HEATR5A: variants seen among roughly 807,000 people sequenced by gnomAD.
The protein encoded by HEATR5A is HEAT repeat-containing protein 5A.
HEATR5A carries 178 observed loss-of-function variants against 218.8 expected under a neutral mutation model. That is an observed-to-expected ratio of 0.81 (90% CI 0.72 to 0.92). The LOEUF is 0.92. HEATR5A is among the 40% of genes least tolerant of loss of function. HEATR5A has a pLI of 0.00. For synonymous variants in HEATR5A, 864 were observed against 871.6 expected (o/e 0.99, Z 0.15); for missense variants, 2,420 against 2,418.9 (o/e 1.00, Z -0.01).
At chr14:31,296,421 T>C (rs1899188593) in intron 33 of HEATR5A, 1 of 184,052 alleles carries the variant, frequency 5.4e-6, no homozygotes, top group African/African-American at 2.4e-5. Context: ...GTTGTGAAGA[T>C]TAAATGAGTT....
rs1163563180 is a variant in HEATR5A at position 31,345,141 on chromosome 14, T to G, written c.3004A>C (p.Ser1002Arg). Residue 1002 changes from serine (S) to arginine (R), a missense_variant, in exon 20 of 36, where the codon AGC becomes CGC. Coordinates refer to ENST00000543095, the MANE Select transcript of HEATR5A (RefSeq NM_015473.4). ...AGGGCATTCAAACAGCGACCAAGGC[T>G]TTGGTGAACTTCAGCATGAGTAGGA... Reference protein sequence around the residue: ...VPPTHAEVHQSLGRCLNALIT... With the variant: ...VPPTHAEVHQRLGRCLNALIT... 1 of 1,613,818 alleles carries G rather than the reference T, an allele frequency of 6.2e-7. No homozygotes were observed. The highest frequency in any genetic ancestry group is 8.5e-7 in the Non-Finnish European group (1 of 1,179,886).
At chr14:31,348,068 C>T (rs151201814) in intron 18 of HEATR5A, among the ~76,000 whole-genome samples, 161 bp from the exon 19 acceptor site, 105 of 152,152 alleles carry the variant, frequency 6.9e-4, no homozygotes, top group Middle Eastern at 3.4e-3. Flanking sequence ...CTGAAGTAAC[C>T]GAAAGGCATC....
chr14:31,400,910 G>C (rs568522327), intron 2 of HEATR5A, among the ~76,000 whole-genome samples: 2 of 151,172 alleles, frequency 1.3e-5, no homozygotes, highest in African/African-American at 4.9e-5. Context: ...CCCGATCTCC[G>C]GTCACTGCAA....
intron 32 of HEATR5A, among the ~76,000 whole-genome samples, chr14:31,304,440 A>C (rs1287474822): frequency 6.6e-6 from 1 of 151,862 alleles, no homozygotes; most frequent in Non-Finnish European, 1.5e-5. Flanking sequence ...TTTTTTAGAC[A>C]TAATTTCACT....
At chr14:31,311,113 C>T (rs1173130043) in intron 28 of HEATR5A, among the ~76,000 whole-genome samples, 1 of 152,106 alleles carries the variant, frequency 6.6e-6, no homozygotes, top group Non-Finnish European at 1.5e-5. Flanking sequence ...TTTACAGGCT[C>T]ATCCTAAAAT....
chr14:31,339,580 G>T (rs767675412), intron 21 of HEATR5A, among the ~76,000 whole-genome samples: 12 of 148,576 alleles, frequency 8.1e-5, no homozygotes, highest in Non-Finnish European at 1.6e-4. Flanking sequence ...GTAGTTTTTT[G>T]TTGTTGTTGT....
chr14:31,315,922 C>T lies in HEATR5A; in HGVS notation c.4066G>A (p.Val1356Ile). Residue 1356 changes from valine (V) to isoleucine (I), a missense_variant, in exon 27 of 36, where the codon GTT (valine) becomes ATT (isoleucine). Transcript: ENST00000543095. ...CGGAGATCATTAAGGTCACTTACAA[C>T]TCCACTTGCTATCCAGGCACTGCAA... ...QVCSAWIASG[V>I]VSDLNDLRRV... 2 of 1,563,576 alleles carry T rather than the reference C, an allele frequency of 1.3e-6. No individual in the cohort carries two copies. Among genetic ancestry groups the T allele is most frequent in the Non-Finnish European group, 1.7e-6 (2 of 1,154,288 alleles).
chr14:31,354,101 C>CAT (rs1391950976), intron 16 of HEATR5A, among the ~76,000 whole-genome samples: 1 of 149,696 alleles, frequency 6.7e-6, no homozygotes. Flanking sequence ...GCCTGGCCGG[C>CAT]ATTTTTTTTT....
chr14:31,396,658 A>G (rs2030665887), intron 4 of HEATR5A, among the ~76,000 whole-genome samples: 1 of 152,214 alleles, frequency 6.6e-6, no homozygotes, highest in Non-Finnish European at 1.5e-5. Flanking sequence ...ACATAATAAA[A>G]TAATGCTAAC....
chr14:31,328,274 G>A (rs1302324152), intron 22 of HEATR5A, among the ~76,000 whole-genome samples: 1 of 152,018 alleles, frequency 6.6e-6, no homozygotes, highest in Non-Finnish European at 1.5e-5. Flanking sequence ...TGTTTTGTTG[G>A]TACTAGACTA....
At chr14:31,319,809 T>C (rs1197260170) in intron 25 of HEATR5A, among the ~76,000 whole-genome samples, 3 of 152,066 alleles carry the variant, frequency 2.0e-5, no homozygotes, top group African/African-American at 7.2e-5. Context: ...ACGTTGGAGG[T>C]GGAGGCAGAC....
intron 20 of HEATR5A, 133 bp from the exon 21 acceptor site, chr14:31,344,198 A>G (rs1900937056): frequency 2.4e-6 from 1 of 423,936 alleles, no homozygotes; most frequent in Non-Finnish European, 4.1e-6. Context: ...AGTCACTACA[A>G]ATCTGTGATG....
chr14:31,313,212 A>G (rs764639345), intron 27 of HEATR5A, 22 bp from the exon 28 acceptor site: 1 of 1,558,550 alleles, frequency 6.4e-7, no homozygotes, highest in Non-Finnish European at 8.8e-7. Flanking sequence ...TAATTTAAAA[A>G]CAGGAAAATC....
chr14:31,305,063 C>T lies in HEATR5A; in HGVS notation c.5081G>A (p.Cys1694Tyr). The change falls in exon 32 of 36, where the codon TGC (cysteine) becomes TAC (tyrosine). Residue 1694 changes from cysteine to tyrosine, a missense_variant. Physicochemically the swap from Cys to Tyr is radical, Grantham distance 194. Coordinates refer to ENST00000543095, the MANE Select transcript of HEATR5A (RefSeq NM_015473.4). ...LVFATLELCV[C>Y]ILVRQLPELN... Reference sequence around the variant, plus strand: ...TTCTGGGAGCTGTCTAACTAGAATGCATACACACAATTCCAGTGTTGCAAA... The same window carrying T: ...TTCTGGGAGCTGTCTAACTAGAATGTATACACACAATTCCAGTGTTGCAAA... The T allele has an allele frequency of 6.2e-7, 1 of 1,613,962 alleles. No individual in the cohort carries two copies. Among genetic ancestry groups the T allele is most frequent in the Non-Finnish European group, 8.5e-7 (1 of 1,179,876 alleles).
chr14:31,402,516 G>C (rs1242752804), intron 2 of HEATR5A, among the ~76,000 whole-genome samples: 1 of 152,132 alleles, frequency 6.6e-6, no homozygotes, highest in African/African-American at 2.4e-5. Context: ...CCACTATACT[G>C]TACCAGGGCT....
At chr14:31,327,475 G>A (rs892464753) in intron 22 of HEATR5A, among the ~76,000 whole-genome samples, 2 of 151,020 alleles carry the variant, frequency 1.3e-5, no homozygotes, top group South Asian at 2.1e-4. Context: ...TGTATTTTTA[G>A]TAGAGACGGG....
rs574087282 is a variant in HEATR5A at position 31,323,725 on chromosome 14, G to C, written c.3627C>G (p.Thr1209=). The change falls in exon 24 of 36, where the codon ACC becomes ACG. Residue 1209 remains threonine, a synonymous_variant. Coordinates refer to ENST00000543095, the MANE Select transcript of HEATR5A (RefSeq NM_015473.4). ...DKGDDASVLT[T]RRDEKSHPFT... is the part of the protein sequence containing the mutation. ...AAGGATGGGATTTTTCATCACGTCT[G>C]GTGGTCAGGACTGAGGCATCATCCC... The C allele has an allele frequency of 1.2e-6, 2 of 1,613,270 alleles. No individual in the cohort carries two copies. Among genetic ancestry groups the C allele is most frequent in the South Asian group, 2.2e-5 (2 of 91,058 alleles).
intron 11 of HEATR5A, among the ~76,000 whole-genome samples, chr14:31,380,256 G>A (rs1012329866): frequency 7.2e-5 from 11 of 152,116 alleles, no homozygotes; most frequent in African/African-American, 1.9e-4. Flanking sequence ...CATCTAGCCC[G>A]GAAGAGAAAA....
At chr14:31,383,884 C>A (rs1478875583) in intron 9 of HEATR5A, 113 bp from the exon 10 acceptor site, 5 of 789,022 alleles carry the variant, frequency 6.3e-6, no homozygotes, top group Non-Finnish European at 7.6e-6. Context: ...TATCAAAAGC[C>A]ACATTATAAT....
Sources: gnomAD v4.1 joint callset for allele counts (sites outside exome capture counted in the v4.1 genomes callset) on GRCh38, gnomAD v4.1.1 for gene constraint, MANE v1.5 for transcripts, NCBI Gene and HGNC (gene_info 2026-07-23, HGNC 2026-07-21) for gene names.